Variants in KCNN3 observed in about 807,000 individuals in gnomAD.
KCNN3 encodes potassium calcium-activated channel subfamily N member 3.
In KCNN3, 16 loss-of-function variants were observed where a neutral mutation model predicts 62.9. The ratio of observed to expected loss-of-function variants is 0.25; its 90% CI spans 0.17 to 0.39. The LOEUF is 0.39. Ranked by LOEUF, KCNN3 falls within the 10% of genes least tolerant of loss-of-function variation. KCNN3 has a pLI of 1.00. For synonymous variants in KCNN3, 370 were observed against 389.2 expected (o/e 0.95, Z 0.58); for missense variants, 599 against 949.4 (o/e 0.63, Z 4.85).
intron 2 of KCNN3, among the ~76,000 whole-genome samples, chr1:154,805,597 C>T (rs776695456): frequency 3.6e-4 from 55 of 152,146 alleles, no homozygotes; most frequent in Admixed American, 1.0e-3. Flanking sequence ...CTACTTCTCC[C>T]GCTGTGGTCG....
At chr1:154,819,662 G>A (rs1050473426) in intron 2 of KCNN3, among the ~76,000 whole-genome samples, 5 of 152,238 alleles carry the variant, frequency 3.3e-5, no homozygotes, top group South Asian at 4.1e-4. Context: ...AGAGGAAGCC[G>A]GTTTTGGTGA....
At chr1:154,820,933 C>T (rs1199164077) in intron 2 of KCNN3, among the ~76,000 whole-genome samples, 1 of 152,216 alleles carries the variant, frequency 6.6e-6, no homozygotes, top group African/African-American at 2.4e-5. Flanking sequence ...GAGGAGGAGG[C>T]ACTCCCACCT....
At chr1:154,802,654 T>TA (rs1398324595) in intron 2 of KCNN3, among the ~76,000 whole-genome samples, 1 of 151,516 alleles carries the variant, frequency 6.6e-6, no homozygotes, top group Non-Finnish European at 1.5e-5. Context: ...AACCCAAGAA[T>TA]ATGAGGCAAA....
intron 1 of KCNN3, among the ~76,000 whole-genome samples, chr1:154,825,540 G>A (rs1651072719): frequency 6.6e-6 from 1 of 151,276 alleles, no homozygotes; most frequent in Admixed American, 6.6e-5. Flanking sequence ...TAATTTTTTT[G>A]TATTTTTAGT....
intron 5 of KCNN3, among the ~76,000 whole-genome samples, chr1:154,722,505 A>G (rs1235868025): frequency 6.7e-6 from 1 of 148,330 alleles, no homozygotes; most frequent in African/African-American, 2.5e-5. Flanking sequence ...CTCCTGCCTC[A>G]GTCTCCCGAG....
intron 1 of KCNN3, chr1:154,859,830 A>G (rs1019887783): frequency 1.2e-6 from 2 of 1,608,810 alleles, no homozygotes; most frequent in African/African-American, 2.7e-5. Flanking sequence ...GTGTCCTTTA[A>G]GCTGACTTTC....
chr1:154,760,767 C>T (rs1055482119), intron 3 of KCNN3, among the ~76,000 whole-genome samples: 9 of 152,226 alleles, frequency 5.9e-5, no homozygotes, highest in Non-Finnish European at 1.5e-5. Context: ...GATCACACGT[C>T]CCCTGTGGAG....
intron 1 of KCNN3, among the ~76,000 whole-genome samples, chr1:154,866,918 G>A (rs902238666): frequency 2.0e-5 from 3 of 152,208 alleles, no homozygotes; most frequent in Non-Finnish European, 4.4e-5. Flanking sequence ...AGGCAGGGAA[G>A]AGGGCCTGAT....
intron 2 of KCNN3, among the ~76,000 whole-genome samples, chr1:154,810,446 C>T (rs1477721792): frequency 7.5e-6 from 1 of 133,018 alleles, no homozygotes; most frequent in African/African-American, 3.7e-5. Context: ...CAAGGAAGAC[C>T]CTAGCCTTCC....
At chr1:154,866,054 G>C (rs886426703) in intron 1 of KCNN3, among the ~76,000 whole-genome samples, 14 of 152,010 alleles carry the variant, frequency 9.2e-5, no homozygotes, top group African/African-American at 3.1e-4. Flanking sequence ...AGCTCTCCTG[G>C]GCTGTGACTA....
chr1:154,763,067 C>G (rs1035278379), intron 3 of KCNN3, among the ~76,000 whole-genome samples: 6 of 152,036 alleles, frequency 3.9e-5, no homozygotes, highest in African/African-American at 1.4e-4. Context: ...ATTTTAATAT[C>G]TAGTAGAGAA....
At chr1:154,794,216 T>C (rs1649633466) in intron 2 of KCNN3, among the ~76,000 whole-genome samples, 1 of 152,224 alleles carries the variant, frequency 6.6e-6, no homozygotes, top group South Asian at 2.1e-4. Context: ...ACAGTTGTAA[T>C]TTTACAGTCA....
intron 1 of KCNN3, among the ~76,000 whole-genome samples, chr1:154,841,943 G>C (rs1040900762): frequency 6.6e-6 from 1 of 152,246 alleles, no homozygotes; most frequent in Non-Finnish European, 1.5e-5. Context: ...GGATGGCCAG[G>C]TGTGAAGGAA....
chr1:154,813,811 C>G (rs932807747), intron 2 of KCNN3, among the ~76,000 whole-genome samples: 1 of 152,188 alleles, frequency 6.6e-6, no homozygotes, highest in Non-Finnish European at 1.5e-5. Context: ...GCTGCCACCA[C>G]GAGCACACCC....
intron 3 of KCNN3, among the ~76,000 whole-genome samples, chr1:154,765,515 C>G (rs2101831742): frequency 6.6e-6 from 1 of 152,140 alleles, no homozygotes; most frequent in South Asian, 2.1e-4. Flanking sequence ...GAACTCTGTG[C>G]TTATGTGAAC....
At chr1:154,778,611 CTTTTTTTTTTTT>C (rs11459390) in intron 2 of KCNN3, among the ~76,000 whole-genome samples, 2 of 73,602 alleles carry the variant, frequency 2.7e-5, no homozygotes, top group African/African-American at 5.2e-5. Flanking sequence ...CTCTCTGTCT[CTTTTTTTTTTTT>C]TTTTTTTTTT....
chr1:154,805,605 T>C (rs1421035936), intron 2 of KCNN3, among the ~76,000 whole-genome samples: 1 of 152,202 alleles, frequency 6.6e-6, no homozygotes, highest in Non-Finnish European at 1.5e-5. Flanking sequence ...CCCGCTGTGG[T>C]CGGCTGTTTG....
intron 5 of KCNN3, among the ~76,000 whole-genome samples, chr1:154,715,290 G>T (rs1483563350): frequency 1.3e-5 from 2 of 151,946 alleles, no homozygotes; most frequent in African/African-American, 2.4e-5. Context: ...TACAAACTTA[G>T]CCAGGTATGG....
At chr1:154,823,915 C>G (rs565414048) in intron 1 of KCNN3, among the ~76,000 whole-genome samples, 1 of 152,304 alleles carries the variant, frequency 6.6e-6, no homozygotes, top group Admixed American at 6.5e-5. Context: ...CGGCCCCACT[C>G]TGTGTGCTGA....
Sources: gnomAD v4.1 joint callset for allele counts (sites outside exome capture counted in the v4.1 genomes callset) on GRCh38, gnomAD v4.1.1 for gene constraint, MANE v1.5 for transcripts, NCBI Gene and HGNC (gene_info 2026-07-23, HGNC 2026-07-21) for gene names.